Variants in FHDC1 observed in about 807,000 individuals in gnomAD.
FHDC1 encodes FH2 domain containing 1.
A neutral mutation model predicts 52.6 loss-of-function variants in FHDC1; 25 were observed. The observed-to-expected ratio is 0.48, with a 90% CI of 0.35 to 0.66. The LOEUF (loss-of-function observed/expected upper bound fraction) is 0.66, where lower values mean the gene tolerates loss of function less well. Ranked by LOEUF, FHDC1 falls within the 30% of genes least tolerant of loss-of-function variation. The probability of loss-of-function intolerance (pLI) is 0.01; values close to 1 mark genes in which losing one functional copy is unlikely to be tolerated. For missense variants in FHDC1, 1,459 were observed against 1,452.8 expected (o/e 1.00, Z -0.07); for synonymous variants, 616 against 581.5 (o/e 1.06, Z -0.85).
At chr4:152,915,953 C>A in the FHDC1 span, among the ~76,000 whole-genome samples, 1 of 152,038 alleles carries the variant, frequency 6.6e-6, no homozygotes, top group Non-Finnish European at 1.5e-5. Context: ...TACAGTATCA[C>A]GTATTTCTGC....
the FHDC1 span, among the ~76,000 whole-genome samples, chr4:152,915,317 G>A: frequency 3.9e-5 from 6 of 152,168 alleles, no homozygotes; most frequent in African/African-American, 1.4e-4. Context: ...TTCGCCATGT[G>A]TGTCAGGCTG....
At chr4:152,973,266 G>A (rs184563944) in intron 11 of FHDC1, among the ~76,000 whole-genome samples, 111 of 152,296 alleles carry the variant, frequency 7.3e-4, no homozygotes, top group African/African-American at 2.6e-3. Flanking sequence ...AGCAAAGCTC[G>A]TGAGTCATCT....
intron 2 of FHDC1, 138 bp from the exon 3 acceptor site, chr4:152,953,361 G>T (rs1010220870): frequency 3.0e-6 from 2 of 656,446 alleles, no homozygotes; most frequent in Admixed American, 2.9e-5. Context: ...AGGAATATCT[G>T]TTAATCACCA....
upstream of FHDC1, among the ~76,000 whole-genome samples, chr4:152,933,243 C>T (rs1026581733): frequency 1.4e-4 from 21 of 152,214 alleles, no homozygotes; most frequent in Non-Finnish European, 1.2e-4. Flanking sequence ...AGGAGCCTTT[C>T]CAGCCTTATT....
At chr4:152,972,645 G>GAAACCGTGGAGAT in intron 11 of FHDC1, 104 bp downstream of exon 11, 1 of 1,324,838 alleles carries the variant, frequency 7.5e-7, no homozygotes, top group Non-Finnish European at 1.0e-6. Context: ...GCATCTCCAC[G>GAAACCGTGGAGAT]GTTTCGGGGA....
At chr4:152,921,584 T>C in the FHDC1 span, among the ~76,000 whole-genome samples, 142 of 133,444 alleles carry the variant, frequency 1.1e-3, no homozygotes, top group African/African-American at 3.1e-3. Context: ...CTTCCTTCCT[T>C]CCTCCCTCCC....
At chr4:152,930,993 A>T in the FHDC1 span, among the ~76,000 whole-genome samples, 10 of 143,334 alleles carry the variant, frequency 7.0e-5, no homozygotes, top group African/African-American at 2.2e-4. Flanking sequence ...ACACACACAC[A>T]CACACTCTCT....
At chr4:152,935,582 A>T (rs1471292278), upstream of FHDC1, among the ~76,000 whole-genome samples, 1 of 152,220 alleles carries the variant, frequency 6.6e-6, no homozygotes. Flanking sequence ...TTACGCTTTA[A>T]TACAACCTAA....
At position 152,978,720 on chromosome 4, in the gene FHDC1, A is replaced by G. The variant is rs1289541628; in HGVS notation, c.*1997A>G. On this transcript the variant is annotated 3_prime_UTR_variant, in exon 12 of 12. Coordinates refer to ENST00000511601, the MANE Select transcript of FHDC1 (RefSeq NM_001371116.1). The stretch of plus-strand genomic sequence containing the variant: ...TTTTAGATCTGACATTGGTAGATAG[A>G]TGGATTTAGGCAAATATGATGCGTT... 1 of 152,112 alleles carries G rather than the reference A, an allele frequency of 6.6e-6. No individual in the cohort carries two copies. The highest frequency in any genetic ancestry group is 1.5e-5 in the Non-Finnish European group (1 of 68,030). 9.4% of individuals were successfully genotyped at this position (152,112 alleles called of 1,614,324 possible). A position where few individuals can be genotyped will look rare whatever the true frequency, so the allele number is the denominator to read the frequency against.
chr4:152,940,330 A>G (rs1739542037), intron 1 of FHDC1, among the ~76,000 whole-genome samples: 1 of 152,266 alleles, frequency 6.6e-6, no homozygotes, highest in Admixed American at 6.5e-5. Flanking sequence ...TACCAGGGAC[A>G]CTGTTGTACA....
Position 152,978,438 on chromosome 4 carries a change from C to T in FHDC1, c.*1715C>T, listed in dbSNP as rs184424469. 3.3e-5 allele frequency: 5 copies of T among 152,214 alleles called. No individual in the cohort carries two copies. In the East Asian group the frequency reaches 9.7e-4, roughly 29 times the overall value. The allele number at this position is 152,214 out of a possible 1,614,324, so 9.4% of individuals were successfully genotyped here. ...TTTTAAATACTGAGAAGAACCAAGT[C>T]AGGTTTTTTAAAGCAGACTAAAAGC... On this transcript the variant is annotated 3_prime_UTR_variant, in exon 12 of 12. Transcript: ENST00000511601.
At chr4:152,958,192 A>G (rs1282966645) in intron 4 of FHDC1, among the ~76,000 whole-genome samples, 1 of 152,118 alleles carries the variant, frequency 6.6e-6, no homozygotes, top group Non-Finnish European at 1.5e-5. Flanking sequence ...TTGGAGTGTG[A>G]GAGTCTCAAG....
intron 2 of FHDC1, among the ~76,000 whole-genome samples, chr4:152,953,164 T>A (rs1461169360): frequency 6.6e-6 from 1 of 152,056 alleles, no homozygotes; most frequent in African/African-American, 2.4e-5. Context: ...ATGCATTTCA[T>A]ATCCCACTAA....
At chr4:152,972,824 G>A (rs1043163342) in intron 11 of FHDC1, among the ~76,000 whole-genome samples, 1 of 152,206 alleles carries the variant, frequency 6.6e-6, no homozygotes, top group South Asian at 2.1e-4. Context: ...AGAGCATTTT[G>A]TTAGTAAAGT....
At chr4:152,948,754 C>G (rs1739814022) in intron 2 of FHDC1, among the ~76,000 whole-genome samples, 1 of 152,142 alleles carries the variant, frequency 6.6e-6, no homozygotes, top group Non-Finnish European at 1.5e-5. Flanking sequence ...CCACACTGGG[C>G]TGAGAGTTAA....
At chr4:152,927,519 G>A in the FHDC1 span, 2 of 1,164,398 alleles carry the variant, frequency 1.7e-6, no homozygotes, top group Non-Finnish European at 2.6e-6. Context: ...GATGAATGGT[G>A]CAAAAGGAGG....
chr4:152,935,333 T>C (rs576718772), upstream of FHDC1, among the ~76,000 whole-genome samples: 10 of 152,220 alleles, frequency 6.6e-5, no homozygotes, highest in Admixed American at 6.5e-4. Context: ...GAGTCAAAGG[T>C]AGCGATGACT....
chr4:152,943,124 G>A lies in FHDC1; in HGVS notation c.67G>A (p.Gly23Arg), dbSNP rs1462834049. ...KENGNIATAP[G>R]FMIGQTPPPA... ...AAATGGGAATATTGCCACAGCACCT[G>A]GATTCATGATTGGGCAGACACCTCC... Residue 23 changes from glycine (G) to arginine (R), a missense_variant, in exon 2 of 12, where the codon GGA (glycine) becomes AGA (arginine). Around this residue, in one of 3 missense-constraint regions of FHDC1, gnomAD observed 513 missense variants for 581.5 expected, o/e 0.88. Transcript: ENST00000511601. The A allele has an allele frequency of 1.2e-6, 2 of 1,614,082 alleles. No individual in the cohort carries two copies. The highest frequency in any genetic ancestry group is 8.5e-7 in the Non-Finnish European group (1 of 1,180,018).
At chr4:152,954,679 T>C (rs1740029925) in intron 4 of FHDC1, among the ~76,000 whole-genome samples, 1 of 151,600 alleles carries the variant, frequency 6.6e-6, no homozygotes, top group Admixed American at 6.6e-5. Flanking sequence ...AGAGTGAGAA[T>C]CTGTCTCTAA....
Sources: allele counts gnomAD v4.1 joint callset (sites outside exome capture counted in the v4.1 genomes callset), GRCh38; gene constraint gnomAD v4.1.1; regional missense constraint gnomAD v4.1.1; transcripts MANE v1.5; gene names NCBI Gene and HGNC (gene_info 2026-07-23, HGNC 2026-07-21).